VSIG4: variants seen among roughly 807,000 people sequenced by gnomAD.
The protein encoded by VSIG4 is V-set and immunoglobulin domain-containing protein 4.
VSIG4 carries 34 observed loss-of-function variants against 23.4 expected under a neutral mutation model. That is an observed-to-expected ratio of 1.45 (90% CI 1.10 to 1.93). The LOEUF (loss-of-function observed/expected upper bound fraction) is 1.93. VSIG4 is among the 30% of genes most tolerant of loss of function. VSIG4 has a pLI of 0.00. For synonymous variants in VSIG4, 169 were observed against 120.3 expected (o/e 1.41, Z -2.65); for missense variants, 433 against 310.8 (o/e 1.39, Z -2.96).
intron 3 of VSIG4, among the ~76,000 whole-genome samples, chrX:66,028,319 A>G (rs976053840): frequency 3.6e-5 from 4 of 111,677 alleles, no homozygotes; most frequent in African/African-American, 1.3e-4. Flanking sequence ...CAGGATTAAT[A>G]GATCTCGAAG....
At chrX:66,030,978 C>T (rs2085457585) in intron 3 of VSIG4, among the ~76,000 whole-genome samples, 1 of 110,485 alleles carries the variant, frequency 9.1e-6, no homozygotes, top group African/African-American at 3.3e-5. Flanking sequence ...AATAGGGGGT[C>T]AGACTCAGGG....
chrX:66,032,227 T>C, intron 3 of VSIG4, among the ~76,000 whole-genome samples: 1 of 111,802 alleles, frequency 8.9e-6, no homozygotes, highest in East Asian at 2.8e-4. Flanking sequence ...ATCTGGCAAA[T>C]ACAATGTGCT....
chrX:66,037,513 A>G (rs1469207952), intron 1 of VSIG4, among the ~76,000 whole-genome samples: 25 of 67,294 alleles, frequency 3.7e-4, no homozygotes, highest in Admixed American at 1.1e-3. Context: ...ATTATATAAT[A>G]ATAATATAAT....
Position 66,022,845 on chromosome X carries a change from C to G in VSIG4, c.958G>C (p.Ala320Pro). The G allele has an allele frequency of 8.3e-7, 1 of 1,210,021 alleles. No homozygotes were observed. The change falls in exon 7 of 8, where the codon GCC becomes CCC. Residue 320 changes from alanine (A) to proline (P), a missense_variant. By Grantham distance (27) the Ala-to-Pro change is conservative. Transcript: ENST00000374737. ...TSQQEHVYEA[A>P]RAHAREANDS... Reference sequence around the variant, plus strand: ...GAAGAGGAGAGACTTTCTTACCTGGCTGCTTCGTAGACATGCTCTAGAAAA... The same window carrying G: ...GAAGAGGAGAGACTTTCTTACCTGGGTGCTTCGTAGACATGCTCTAGAAAA...
intron 1 of VSIG4, among the ~76,000 whole-genome samples, chrX:66,036,778 T>C (rs1391814588): frequency 2.5e-5 from 1 of 40,106 alleles, no homozygotes; most frequent in African/African-American, 1.3e-4. Context: ...TATATTATAT[T>C]ATATTATATA....
intron 1 of VSIG4, among the ~76,000 whole-genome samples, chrX:66,039,605 T>C (rs2085659868): frequency 8.9e-6 from 1 of 111,904 alleles, no homozygotes; most frequent in Non-Finnish European, 1.9e-5. Flanking sequence ...TTAAGTCCAA[T>C]TGTAGAATTT....
At chrX:66,033,936 A>G (rs2085500090) in intron 1 of VSIG4, 106 bp from the exon 2 acceptor site, 2 of 623,628 alleles carry the variant, frequency 3.2e-6, no homozygotes, top group South Asian at 2.9e-5. Flanking sequence ...ATGCCACTCA[A>G]CTTTCTTTCT....
At position 66,021,893 on chromosome X, in the gene VSIG4, G is replaced by A; in HGVS notation, c.*370C>T. 1 of 367,667 alleles carries A rather than the reference G, an allele frequency of 2.7e-6. No individual in the cohort carries two copies. The highest frequency in any genetic ancestry group is 4.8e-6 in the Non-Finnish European group (1 of 207,062). 30.3% of individuals were successfully genotyped at this position (367,667 alleles called of 1,213,427 possible). ...AAGAGAAATGATCCTGGATATAGCT[G>A]GTCCTCTGAGCTGGCAGAGCTGAGC... On this transcript the variant is annotated 3_prime_UTR_variant, in exon 8 of 8. Coordinates refer to ENST00000374737, the MANE Select transcript of VSIG4 (RefSeq NM_007268.3).
In VSIG4 at chrX:66,025,010, A is replaced by G. The variant is rs1264973550; in HGVS notation, c.940+15T>C. ...ACAAATGAGCCAAAGCCACCTTCTC[A>G]TATTCATCACTAACCTTGTTGGGAT... is the stretch of plus-strand genomic sequence containing the variant. On this transcript the variant is annotated intron_variant, in intron 6 of 7. Transcript: ENST00000374737. 5.3e-6 allele frequency: 6 copies of G among 1,140,825 alleles called. No individual in the cohort carries two copies. Among genetic ancestry groups the G allele is most frequent in the Non-Finnish European group, 7.1e-6 (6 of 847,689 alleles). The allele number at this position is 1,140,825 out of a possible 1,213,427, so 94.0% of individuals were successfully genotyped here.
At chrX:66,024,516 T>G (rs975495064) in intron 6 of VSIG4, among the ~76,000 whole-genome samples, 7 of 111,970 alleles carry the variant, frequency 6.3e-5, no homozygotes, top group Non-Finnish European at 1.1e-4. Context: ...AAATACTGTC[T>G]CCTTACAACT....
chrX:66,037,317 A>T (rs867826756), intron 1 of VSIG4, among the ~76,000 whole-genome samples: 1 of 27,964 alleles, frequency 3.6e-5, no homozygotes, highest in Non-Finnish European at 5.0e-5. Context: ...ATAATATATA[A>T]TATATATTAT....
intron 7 of VSIG4, 118 bp from the exon 8 acceptor site, chrX:66,022,618 T>C (rs2085345920): frequency 8.8e-7 from 1 of 1,138,069 alleles, no homozygotes; most frequent in African/African-American, 1.8e-5. Context: ...CCAGGGATTC[T>C]GGAAGCAGAA....
rs190039160 is a variant in VSIG4 at position 66,037,805 on chromosome X, T to C, written c.55+2139A>G. On this transcript the variant is annotated intron_variant, in intron 1 of 7. Coordinates refer to ENST00000374737, the MANE Select transcript of VSIG4 (RefSeq NM_007268.3). ...AGTATATATACTTATTGCTGATAAG[T>C]ATATATACAGTATTGAGCTTAATGT... is the stretch of plus-strand genomic sequence containing the variant. Among the ~76,000 whole-genome samples, 447 of 105,751 alleles carry C rather than the reference T, an allele frequency of 4.2e-3. 3 individuals are homozygous for C. The highest frequency in any genetic ancestry group is 0.014 in the African/African-American group (414 of 29,520). The allele number at this position is 105,751 out of a possible 115,157, so 91.8% of individuals were successfully genotyped here.
chrX:66,021,996 G>A lies in VSIG4; in HGVS notation c.*267C>T. ...CATGATGACCAAGTCCTAGTGCTATGGGCATCTTCCCTCTGGTATTTAGAG... is the reference window on the plus strand; with the variant it reads ...CATGATGACCAAGTCCTAGTGCTATAGGCATCTTCCCTCTGGTATTTAGAG... On this transcript the variant is annotated 3_prime_UTR_variant, in exon 8 of 8. Transcript: ENST00000374737. 1.9e-6 allele frequency: 2 copies of A among 1,074,609 alleles called. No homozygotes were observed. Among genetic ancestry groups the A allele is most frequent in the Non-Finnish European group, 2.5e-6 (2 of 796,509 alleles). The allele number at this position is 1,074,609 out of a possible 1,213,427, so 88.6% of individuals were successfully genotyped here.
At chrX:66,026,407 G>A (rs373132835) in intron 5 of VSIG4, among the ~76,000 whole-genome samples, 18 of 111,814 alleles carry the variant, frequency 1.6e-4, no homozygotes, top group East Asian at 1.4e-3. Flanking sequence ...AAAATAGGGC[G>A]CAGACCCAAC....
intron 3 of VSIG4, among the ~76,000 whole-genome samples, chrX:66,028,709 CT>C (rs1215423241): frequency 7.3e-5 from 8 of 109,471 alleles, no homozygotes; most frequent in Non-Finnish European, 1.5e-4. Context: ...CCCCTTACCC[CT>C]TCTACCTCAG....
rs1297300550 is a variant in VSIG4, at chrX:66,032,592, T to A, written c.570A>T (p.Val190=). The A allele has an allele frequency of 1.7e-6, 2 of 1,211,737 alleles. No homozygotes were observed. The highest frequency in any genetic ancestry group is 3.0e-5 in the East Asian group (1 of 33,843). Residue 190 remains valine, a synonymous_variant, in exon 3 of 8, where the codon GTA becomes GTT. Coordinates refer to ENST00000374737, the MANE Select transcript of VSIG4 (RefSeq NM_007268.3). ...QQTNNQEPIK[V]ATLSTLLFKP... is the part of the protein sequence containing the mutation. ...TGAAGAGTAAGGTACTTAGGGTTGCTACTTTGATGGGTTCCTGGTTATTAG... is the reference window on the plus strand; with the variant it reads ...TGAAGAGTAAGGTACTTAGGGTTGCAACTTTGATGGGTTCCTGGTTATTAG...
At chrX:66,038,710 C>A (rs2085649598) in intron 1 of VSIG4, among the ~76,000 whole-genome samples, 1 of 111,366 alleles carries the variant, frequency 9.0e-6, no homozygotes, top group Non-Finnish European at 1.9e-5. Flanking sequence ...TTAACTCTGC[C>A]ACTAATGCTC....
intron 4 of VSIG4, 146 bp from the exon 5 acceptor site, chrX:66,027,672 C>G (rs2085408588): frequency 8.3e-6 from 4 of 483,539 alleles, no homozygotes; most frequent in Admixed American, 6.4e-5. Context: ...ACCACTAGTA[C>G]CATGAGATAA....
Sources: gnomAD v4.1 joint callset for allele counts (sites outside exome capture counted in the v4.1 genomes callset) on GRCh38, gnomAD v4.1.1 for gene constraint, MANE v1.5 for transcripts, NCBI Gene and HGNC (gene_info 2026-07-23, HGNC 2026-07-21) for gene names.